CEP112: variants seen among roughly 807,000 people sequenced by gnomAD.
The protein encoded by CEP112 is centrosomal protein of 112 kDa.
In CEP112, 127 loss-of-function variants were observed where a neutral mutation model predicts 153.0. The observed-to-expected ratio is 0.83, with a 90% confidence interval of 0.72 to 0.96. The LOEUF (loss-of-function observed/expected upper bound fraction) is 0.96, where lower values mean the gene tolerates loss of function less well. Ranked by LOEUF, CEP112 falls within the 40% of genes least tolerant of loss-of-function variation. The pLI is 0.00. For synonymous variants in CEP112, 358 were observed against 374.4 expected, an observed-to-expected ratio of 0.96 and a Z score of 0.51; for missense variants, 1,089 against 1,101.2, an observed-to-expected ratio of 0.99 and a Z score of 0.16.
Position 66,069,958 on chromosome 17 carries a change from T to C in CEP112, c.812A>G (p.Glu271Gly). 1.2e-6 allele frequency: 2 copies of C among 1,607,996 alleles called. No homozygotes were observed. The highest frequency in any genetic ancestry group is 1.7e-6 in the Non-Finnish European group (2 of 1,176,444). Residue 271 changes from glutamate (E) to glycine (G), a missense_variant, in exon 9 of 27, where the codon GAA becomes GGA. Transcript: ENST00000535342. The part of the protein sequence containing the change: ...TKMMEAKFHE[E>G]KLKLQQKHDA... ...ATGTTTCTGTTGCAGTTTAAGCTTT[T>C]CTTCATGAAATTTAGCTTCCATCAT...
At chr17:65,783,039 C>T (rs1473879357) in intron 21 of CEP112, among the ~76,000 whole-genome samples, 1 of 151,378 alleles carries the variant, frequency 6.6e-6, no homozygotes, top group Non-Finnish European at 1.5e-5. Context: ...AGACAACATA[C>T]ATTATCTGCA....
chr17:66,168,547 G>A (rs573845013), intron 4 of CEP112, among the ~76,000 whole-genome samples: 22 of 148,978 alleles, frequency 1.5e-4, no homozygotes, highest in East Asian at 5.8e-4. Flanking sequence ...GTGTGTGTGT[G>A]TATATATATA....
chr17:65,884,700 T>C (rs1409038616), intron 20 of CEP112, among the ~76,000 whole-genome samples: 1 of 142,690 alleles, frequency 7.0e-6, no homozygotes, highest in African/African-American at 2.6e-5. Flanking sequence ...TATTAGTTTG[T>C]AGTTTCTTTT....
intron 21 of CEP112, among the ~76,000 whole-genome samples, chr17:65,829,253 C>A (rs913225572): frequency 1.5e-4 from 23 of 152,074 alleles, no homozygotes; most frequent in African/African-American, 5.6e-4. Context: ...ATAATGTATT[C>A]AATTTAGTTA....
chr17:66,123,334 C>T (rs957624009), intron 6 of CEP112, among the ~76,000 whole-genome samples: 1 of 152,198 alleles, frequency 6.6e-6, no homozygotes, highest in Admixed American at 6.5e-5. Flanking sequence ...CCTCCCAATA[C>T]AATACTGTAT....
At chr17:65,988,721 T>C (rs967880805) in intron 17 of CEP112, among the ~76,000 whole-genome samples, 2 of 117,704 alleles carry the variant, frequency 1.7e-5, no homozygotes, top group Middle Eastern at 4.0e-3. Context: ...AAAACACACA[T>C]TGAGAGGAGA....
chr17:65,644,907 T>C (rs1452788751), intron 24 of CEP112, among the ~76,000 whole-genome samples: 1 of 152,168 alleles, frequency 6.6e-6, no homozygotes, highest in East Asian at 1.9e-4. Context: ...CAATCTGATT[T>C]TTTTCATGTT....
At chr17:65,657,087 G>A (rs1233839113) in intron 24 of CEP112, among the ~76,000 whole-genome samples, 1 of 152,182 alleles carries the variant, frequency 6.6e-6, no homozygotes, top group Non-Finnish European at 1.5e-5. Flanking sequence ...GGATCTTAGA[G>A]ATTCACCCCG....
intron 24 of CEP112, among the ~76,000 whole-genome samples, chr17:65,674,400 T>C (rs771656808): frequency 5.9e-5 from 9 of 152,228 alleles, no homozygotes; most frequent in Non-Finnish European, 1.0e-4. Flanking sequence ...AGCTGGCATG[T>C]GGGGACATTT....
At chr17:65,791,773 C>T (rs766710486) in intron 21 of CEP112, among the ~76,000 whole-genome samples, 1 of 152,108 alleles carries the variant, frequency 6.6e-6, no homozygotes, top group Admixed American at 6.6e-5. Flanking sequence ...GAGCTCAGCT[C>T]TAAGGAATCA....
chr17:65,842,058 G>T (rs774605808), intron 21 of CEP112, among the ~76,000 whole-genome samples: 33 of 152,072 alleles, frequency 2.2e-4, no homozygotes, highest in Non-Finnish European at 3.8e-4. Flanking sequence ...GTCTTTTGCT[G>T]TATTGATCTA....
chr17:66,141,967 T>A (rs1598428949), intron 4 of CEP112, among the ~76,000 whole-genome samples: 2 of 152,186 alleles, frequency 1.3e-5, no homozygotes, highest in African/African-American at 4.8e-5. Context: ...CTGTTTTCCA[T>A]AATGGCTATA....
chr17:65,849,840 G>A (rs754018210), intron 21 of CEP112, among the ~76,000 whole-genome samples: 10 of 152,146 alleles, frequency 6.6e-5, no homozygotes, highest in Non-Finnish European at 1.2e-4. Flanking sequence ...TATTGTCAAA[G>A]TCTGAGACTA....
chr17:65,908,261 T>A (rs2060155058), intron 19 of CEP112, among the ~76,000 whole-genome samples: 1 of 152,196 alleles, frequency 6.6e-6, no homozygotes. Context: ...ACACTGGTAG[T>A]GTCAGCCCTC....
At chr17:65,654,249 T>G (rs1450131219) in intron 24 of CEP112, among the ~76,000 whole-genome samples, 1 of 152,166 alleles carries the variant, frequency 6.6e-6, no homozygotes, top group Non-Finnish European at 1.5e-5. Context: ...GGTGCTCTGC[T>G]GCAGAGCTCA....
chr17:65,776,384 G>A (rs562044545), intron 21 of CEP112, among the ~76,000 whole-genome samples: 3 of 152,258 alleles, frequency 2.0e-5, no homozygotes, highest in East Asian at 1.9e-4. Context: ...ACAGGTGCCT[G>A]CCACCACGCT....
intron 17 of CEP112, among the ~76,000 whole-genome samples, chr17:65,971,205 G>A (rs12601501): frequency 0.48 from 72,880 of 151,728 alleles, 18,463 homozygotes; most frequent in East Asian, 0.89. Context: ...CACATTGCAC[G>A]TATGTATATC....
At chr17:66,136,352 G>T (rs910512646) in intron 4 of CEP112, among the ~76,000 whole-genome samples, 6 of 151,996 alleles carry the variant, frequency 3.9e-5, no homozygotes, top group Non-Finnish European at 8.8e-5. Flanking sequence ...CTTTTGGAAG[G>T]GGCTGCCTAA....
At chr17:66,181,197 T>A (rs780968968) in intron 2 of CEP112, among the ~76,000 whole-genome samples, 14 of 152,222 alleles carry the variant, frequency 9.2e-5, no homozygotes, top group Non-Finnish European at 1.6e-4. Flanking sequence ...CAATAAGATG[T>A]AATTTATTAT....
Sources: gnomAD v4.1 joint callset for allele counts (sites outside exome capture counted in the v4.1 genomes callset) on GRCh38, gnomAD v4.1.1 for gene constraint, MANE v1.5 for transcripts, NCBI Gene and HGNC (gene_info 2026-07-23, HGNC 2026-07-21) for gene names.